The following ZNF394 variants were observed in gnomAD, a reference collection of about 807,000 sequenced individuals.
ZNF394 encodes the protein zinc finger protein 394, also known as zinc finger protein 99.
A neutral mutation model predicts 21.8 loss-of-function variants in ZNF394; 19 were observed. The observed-to-expected ratio is 0.87, with a 90% CI of 0.61 to 1.28. ZNF394 has a LOEUF of 1.28. Ranked by LOEUF, ZNF394 falls within the 50% of genes most tolerant of loss-of-function variation. The pLI is 0.00. For missense variants in ZNF394, 683 were observed against 708.6 expected, an observed-to-expected ratio of 0.96 and a Z score of 0.41; for synonymous variants, 294 against 273.3, an observed-to-expected ratio of 1.08 and a Z score of -0.75.
intron 2 of ZNF394, among the ~76,000 whole-genome samples, chr7:99,496,619 T>C (rs2151083003): frequency 6.6e-6 from 1 of 151,848 alleles, no homozygotes; most frequent in South Asian, 2.1e-4. Context: ...TTTCACTATG[T>C]TGGCCAAGCT....
chr7:99,500,204 C>A lies in ZNF394; in HGVS notation c.-111G>T, dbSNP rs1800480605. 1 of 1,075,384 alleles carries A rather than the reference C, an allele frequency of 9.3e-7. No individual in the cohort carries two copies. The highest frequency in any genetic ancestry group is 2.9e-5 in the Admixed American group (1 of 34,286). 66.6% of individuals were successfully genotyped at this position (1,075,384 alleles called of 1,614,324 possible). A position where few individuals can be genotyped will look rare whatever the true frequency, so the allele number is the denominator to read the frequency against. ...CCCTCCGGTCCCAAACACCGGGCCC[C>A]ACCACACCAGGCCCCTCTCCACACT... On this transcript the variant is annotated 5_prime_UTR_variant, in exon 1 of 3. Transcript: ENST00000337673.
chr7:99,487,539 T>TC, intron 1 of ZNF394: 1 of 1,546,300 alleles, frequency 6.5e-7, no homozygotes, highest in Non-Finnish European at 8.7e-7. Flanking sequence ...AACCTCTACT[T>TC]CAAGTGTGTA....
chr7:99,487,344 T>A, intron 1 of ZNF394: 2 of 1,614,250 alleles, frequency 1.2e-6, no homozygotes, highest in Non-Finnish European at 1.7e-6. Flanking sequence ...GGAAAACGTT[T>A]AGTTTTAAGA....
At position 99,500,210 on chromosome 7, in the gene ZNF394, A is replaced by C; in HGVS notation, c.-117T>G. The C allele has an allele frequency of 1.1e-6, 1 of 949,480 alleles. No homozygotes were observed. Among genetic ancestry groups the C allele is most frequent in the Non-Finnish European group, 1.5e-6 (1 of 659,830 alleles). The allele number at this position is 949,480 out of a possible 1,614,324, so 58.8% of individuals were successfully genotyped here. A position where few individuals can be genotyped will look rare whatever the true frequency, so the allele number is the denominator to read the frequency against. On this transcript the variant is annotated 5_prime_UTR_variant, in exon 1 of 3. Transcript: ENST00000337673. ...GGTCCCAAACACCGGGCCCCACCACACCAGGCCCCTCTCCACACTCTCCTT... is the reference window on the plus strand; with the variant it reads ...GGTCCCAAACACCGGGCCCCACCACCCCAGGCCCCTCTCCACACTCTCCTT...
Position 99,494,238 on chromosome 7 carries a change from C to G in ZNF394, c.977G>C (p.Trp326Ser), listed in dbSNP as rs752600095. The change falls in exon 3 of 3, where the codon TGG becomes TCG. Residue 326 changes from tryptophan (W) to serine (S), a missense_variant. This residue lies in a region of ZNF394 where 274 missense variants were observed against 314.1 expected (regional missense o/e 0.87). Transcript: ENST00000337673. The stretch of plus-strand genomic sequence containing the variant: ...AGACTTGTGAGGTTTCAGCACGTGC[C>G]ACGTCACCATGTGGAAACTTTGCTT... ...KCKQSFHMVT[W>S]HVLKPHKSDS... is the part of the protein sequence containing the mutation. 1.9e-6 allele frequency: 3 copies of G among 1,614,098 alleles called. No individual in the cohort carries two copies. The African/African-American group carries it at 4.0e-5, about 22-fold the overall frequency.
At chr7:99,495,489 A>AT (rs1456523017) in intron 2 of ZNF394, among the ~76,000 whole-genome samples, 1 of 149,396 alleles carries the variant, frequency 6.7e-6, no homozygotes, top group East Asian at 2.0e-4. Context: ...CACCCGGCTA[A>AT]TTTTTTTGTA....
rs560686849 is a variant in ZNF394, at chr7:99,499,980, G to A, written c.114C>T (p.Pro38=). ...CGGGTGAGTCTTCCTCCACTTTCAC[G>A]GGCAAAAGTCCGTCGCGTTGGGACG... ...AAPSQRDGLL[P]VKVEEDSPGS... The change falls in exon 1 of 3, where the codon CCC becomes CCT. Residue 38 remains proline (P), a synonymous_variant. Transcript: ENST00000337673. 4.3e-6 allele frequency: 7 copies of A among 1,613,138 alleles called. No individual in the cohort carries two copies. The Admixed American group carries it at 5.0e-5, about 12-fold the overall frequency.
chr7:99,491,771 CAAAA>C (rs768073826), downstream of ZNF394, among the ~76,000 whole-genome samples: 3 of 34,964 alleles, frequency 8.6e-5, no homozygotes, highest in Non-Finnish European at 1.7e-4. Flanking sequence ...GAATCTGTCT[CAAAA>C]AAAAAAAAAA....
intron 2 of ZNF394, among the ~76,000 whole-genome samples, 166 bp from the exon 3 acceptor site, chr7:99,494,797 C>CAT (rs1554380231): frequency 1.3e-5 from 2 of 148,160 alleles, no homozygotes; most frequent in Non-Finnish European, 3.0e-5. Flanking sequence ...TGCAGTGGTC[C>CAT]GATCTCAGTT....
intron 2 of ZNF394, among the ~76,000 whole-genome samples, chr7:99,497,463 AG>A (rs1800373934): frequency 6.7e-6 from 1 of 150,250 alleles, no homozygotes; most frequent in South Asian, 2.2e-4. Flanking sequence ...TACAGGCGTG[AG>A]CCACCGTGCC....
intron 1 of ZNF394, among the ~76,000 whole-genome samples, chr7:99,487,811 G>T (rs1201714146): frequency 3.3e-5 from 5 of 151,406 alleles, no homozygotes; most frequent in African/African-American, 1.2e-4. Flanking sequence ...GGTGGCTCAC[G>T]CCTGTAATCC....
In ZNF394 at chr7:99,493,877, T is replaced by C; in HGVS notation, c.1338A>G (p.Glu446=). 3 of 1,614,250 alleles carry C rather than the reference T, an allele frequency of 1.9e-6. No individual in the cohort carries two copies. The highest frequency in any genetic ancestry group is 2.2e-5 in the South Asian group (2 of 91,092). The change falls in exon 3 of 3, where the codon GAA becomes GAG. Residue 446 remains glutamate, a synonymous_variant. Coordinates refer to ENST00000337673, the MANE Select transcript of ZNF394 (RefSeq NM_032164.4). ...HSRDKHFKCE[E]CGETCHISNL... is the part of the protein sequence containing the mutation. ...TGGAAATATGACAGGTTTCCCCGCA[T>C]TCCTCACATTTAAAATGTTTGTCTC...
At chr7:99,492,075 G>GAAAAAAAA (rs397948314), downstream of ZNF394, among the ~76,000 whole-genome samples, 1 of 47,696 alleles carries the variant, frequency 2.1e-5, no homozygotes. Flanking sequence ...TCCGTCTCAA[G>GAAAAAAAA]AAAAAAAAAA....
rs760655912 is a variant in ZNF394 at position 99,500,125 on chromosome 7, T to C, written c.-32A>G. On this transcript the variant is annotated 5_prime_UTR_variant, in exon 1 of 3. Coordinates refer to ENST00000337673, the MANE Select transcript of ZNF394 (RefSeq NM_032164.4). ...CCGGCATGTGCTGCCCTTCCTGGAG[T>C]CTTCTTTTCAGGTGAAGAAAGAGCA... 2 of 1,510,184 alleles carry C rather than the reference T, an allele frequency of 1.3e-6. No individual in the cohort carries two copies. Among genetic ancestry groups the C allele is most frequent in the Non-Finnish European group, 1.8e-6 (2 of 1,137,854 alleles). The allele number at this position is 1,510,184 out of a possible 1,614,324, so 93.5% of individuals were successfully genotyped here.
chr7:99,493,820 C>G lies in ZNF394; in HGVS notation c.1395G>C (p.Gly465=), dbSNP rs777335435. The G allele has an allele frequency of 2.7e-5, 44 of 1,611,928 alleles. No homozygotes were observed. The Middle Eastern group carries it at 2.7e-3, about 97-fold the overall frequency. ...NLFRHQRLHK[G]ERPYKCEECE... ...ATTCTTCACACTTATAGGGTCTTTC[C>G]CCTTTATGTAGTCTCTGATGTCTAA... Residue 465 remains glycine, a synonymous_variant, in exon 3 of 3, where the codon GGG becomes GGC. Transcript: ENST00000337673.
chr7:99,489,365 T>C (rs1800112176), downstream of ZNF394, among the ~76,000 whole-genome samples: 1 of 152,152 alleles, frequency 6.6e-6, no homozygotes, highest in Non-Finnish European at 1.5e-5. Context: ...CCTCTGGCCT[T>C]ACACCTTCTG....
downstream of ZNF394, among the ~76,000 whole-genome samples, chr7:99,488,602 A>G (rs903194234): frequency 6.6e-6 from 1 of 152,010 alleles, no homozygotes; most frequent in East Asian, 1.9e-4. Context: ...AGGGCTACTC[A>G]CTAGTAACTA....
In ZNF394 at chr7:99,500,000, G is replaced by C; in HGVS notation, c.94C>G (p.Gln32Glu). Residue 32 changes from glutamine (Q) to glutamate (E), a missense_variant, in exon 1 of 3, where the codon CAA (glutamine) becomes GAA (glutamate). Gln to Glu is a conservative substitution (Grantham distance 29, BLOSUM62 2). This residue lies in a region of ZNF394 where 402 missense variants were observed against 373.8 expected (regional missense o/e 1.08). Transcript: ENST00000337673. ...TTCACGGGCAAAAGTCCGTCGCGTT[G>C]GGACGGCGCCGCGTCCTTGGACCTC... ...AARSKDAAPS[Q>E]RDGLLPVKVE... 1 of 1,611,232 alleles carries C rather than the reference G, an allele frequency of 6.2e-7. No individual in the cohort carries two copies.
At chr7:99,486,893 C>T in exon 2 of ZNF394, 1 of 1,614,076 alleles carries the variant, frequency 6.2e-7, no homozygotes, top group South Asian at 1.1e-5. Flanking sequence ...TTAGAGAATC[C>T]TTTTGAGTGT....
Sources: allele counts gnomAD v4.1 joint callset (sites outside exome capture counted in the v4.1 genomes callset), GRCh38; gene constraint gnomAD v4.1.1; regional missense constraint gnomAD v4.1.1; transcripts MANE v1.5; gene names NCBI Gene and HGNC (gene_info 2026-07-23, HGNC 2026-07-21).